The following PPM1E variants were observed in gnomAD, a reference collection of about 807,000 sequenced individuals.
PPM1E encodes protein phosphatase, Mg2+/Mn2+ dependent 1E.
PPM1E carries 20 observed loss-of-function variants against 65.9 expected under a neutral mutation model. That is an observed-to-expected ratio of 0.30 (90% CI 0.21 to 0.44). The LOEUF (loss-of-function observed/expected upper bound fraction) is 0.44. Ranked by LOEUF, PPM1E falls within the 20% of genes least tolerant of loss-of-function variation. The probability of loss-of-function intolerance (pLI) is 1.00; values close to 1 mark genes in which losing one functional copy is unlikely to be tolerated. For missense variants in PPM1E, 713 were observed against 953.1 expected, an observed-to-expected ratio of 0.75 and a Z score of 3.32; for synonymous variants, 352 against 374.9, an observed-to-expected ratio of 0.94 and a Z score of 0.70.
At chr17:58,772,795 T>A (rs1226959095) in intron 1 of PPM1E, among the ~76,000 whole-genome samples, 1 of 152,142 alleles carries the variant, frequency 6.6e-6, no homozygotes, top group Non-Finnish European at 1.5e-5. Flanking sequence ...ACTCTGTATT[T>A]GCTGTATTTC....
At chr17:58,956,825 G>A (rs2029883170) in intron 2 of PPM1E, among the ~76,000 whole-genome samples, 1 of 152,170 alleles carries the variant, frequency 6.6e-6, no homozygotes, top group Non-Finnish European at 1.5e-5. Flanking sequence ...TGGTATATAT[G>A]GAGCAAAGCA....
At chr17:58,797,111 A>G (rs996208632) in intron 1 of PPM1E, among the ~76,000 whole-genome samples, 2 of 152,216 alleles carry the variant, frequency 1.3e-5, no homozygotes, top group Non-Finnish European at 2.9e-5. Context: ...ATCTCAAAAA[A>G]TAAATCAATA....
At chr17:58,803,080 T>C (rs2050273667) in intron 1 of PPM1E, among the ~76,000 whole-genome samples, 2 of 152,180 alleles carry the variant, frequency 1.3e-5, no homozygotes, top group Non-Finnish European at 2.9e-5. Flanking sequence ...TGTTCTATGT[T>C]GAATAGCACT....
chr17:58,977,391 T>C (rs2143791462), intron 6 of PPM1E, among the ~76,000 whole-genome samples: 1 of 148,110 alleles, frequency 6.8e-6, no homozygotes, highest in Admixed American at 6.9e-5. Context: ...TGCAATGAGC[T>C]GAGATCACAC....
chr17:58,813,318 T>C (rs2050387773), intron 1 of PPM1E, among the ~76,000 whole-genome samples: 1 of 152,180 alleles, frequency 6.6e-6, no homozygotes, highest in Non-Finnish European at 1.5e-5. Context: ...ACCTCATACC[T>C]TGGAATTTCT....
At chr17:58,852,248 C>G (rs2050834202) in intron 1 of PPM1E, among the ~76,000 whole-genome samples, 1 of 152,140 alleles carries the variant, frequency 6.6e-6, no homozygotes, top group African/African-American at 2.4e-5. Context: ...ACTGCCCCAC[C>G]CTGCTCCGTG....
At chr17:58,967,979 T>G (rs2030364600) in intron 3 of PPM1E, among the ~76,000 whole-genome samples, 1 of 152,046 alleles carries the variant, frequency 6.6e-6, no homozygotes, top group South Asian at 2.1e-4. Context: ...AATTTTTGTA[T>G]TTTTAGTAGA....
chr17:58,915,576 G>T (rs2051675269), intron 1 of PPM1E, among the ~76,000 whole-genome samples: 1 of 152,140 alleles, frequency 6.6e-6, no homozygotes, highest in South Asian at 2.1e-4. Context: ...AGTTGCTCTG[G>T]TTCAAATGCC....
chr17:58,885,050 A>G (rs1465921648), intron 1 of PPM1E, among the ~76,000 whole-genome samples: 2 of 151,934 alleles, frequency 1.3e-5, no homozygotes, highest in South Asian at 2.1e-4. Flanking sequence ...TCTTATTTTA[A>G]CAATCTTATT....
chr17:58,894,112 A>G (rs2051382346), intron 1 of PPM1E, among the ~76,000 whole-genome samples: 1 of 151,876 alleles, frequency 6.6e-6, no homozygotes, highest in Non-Finnish European at 1.5e-5. Flanking sequence ...AAACAAAAAT[A>G]AAGTCTATGT....
intron 1 of PPM1E, among the ~76,000 whole-genome samples, chr17:58,942,723 T>G (rs564423089): frequency 6.6e-6 from 1 of 152,184 alleles, no homozygotes; most frequent in African/African-American, 2.4e-5. Flanking sequence ...TACCTAATGC[T>G]AGATGACAAG....
intron 1 of PPM1E, among the ~76,000 whole-genome samples, chr17:58,955,196 C>A (rs2029868019): frequency 6.6e-6 from 1 of 152,128 alleles, no homozygotes; most frequent in South Asian, 2.1e-4. Flanking sequence ...GAAACCCCGT[C>A]TCTACTAAAA....
At chr17:58,973,415 A>C (rs1339589543) in intron 6 of PPM1E, among the ~76,000 whole-genome samples, 1 of 54,664 alleles carries the variant, frequency 1.8e-5, no homozygotes, top group Non-Finnish European at 4.3e-5. Context: ...AGACTGTCTC[A>C]AAAAAAAAAA....
intron 1 of PPM1E, among the ~76,000 whole-genome samples, chr17:58,820,023 C>A (rs561328384): frequency 7.2e-5 from 11 of 151,814 alleles, no homozygotes; most frequent in African/African-American, 2.7e-4. Flanking sequence ...GGAGACAAAG[C>A]CAGACTCCAT....
intron 1 of PPM1E, among the ~76,000 whole-genome samples, chr17:58,950,195 C>G (rs965054355): frequency 1.2e-4 from 18 of 151,804 alleles, no homozygotes; most frequent in African/African-American, 4.4e-4. Context: ...AACCCTGTCT[C>G]TACTAAAAAT....
chr17:58,908,888 C>T (rs1173956503), intron 1 of PPM1E, among the ~76,000 whole-genome samples: 1 of 152,116 alleles, frequency 6.6e-6, no homozygotes, highest in African/African-American at 2.4e-5. Flanking sequence ...TACCTCCCAT[C>T]CCTTGTATCA....
rs2050662932 is a variant in PPM1E at position 58,836,833 on chromosome 17, AAC to A, written c.464+80375_464+80376del. On this transcript the variant is annotated intron_variant, in intron 1 of 6. Transcript: ENST00000308249. ...TCAGGAGATCGAGACCATCCTGGCT[AAC>A]ACGGTGAAACCCCGTCTCTACTAAA... Among the ~76,000 whole-genome samples the A allele has an allele frequency of 2.0e-5, 3 of 147,804 alleles. No individual in the cohort carries two copies. The South Asian group carries it at 6.6e-4, about 33-fold the overall frequency.
intron 2 of PPM1E, among the ~76,000 whole-genome samples, chr17:58,963,908 T>TA (rs1233871279): frequency 6.6e-6 from 1 of 151,400 alleles, no homozygotes; most frequent in Non-Finnish European, 1.5e-5. Flanking sequence ...AAAATAAAAA[T>TA]AAAGAAGACA....
At chr17:58,825,162 A>T (rs2050521079) in intron 1 of PPM1E, among the ~76,000 whole-genome samples, 1 of 151,674 alleles carries the variant, frequency 6.6e-6, no homozygotes. Flanking sequence ...GTACCTCAAT[A>T]ACTTACAGAA....
Sources: allele counts gnomAD v4.1 joint callset (sites outside exome capture counted in the v4.1 genomes callset), GRCh38; gene constraint gnomAD v4.1.1; transcripts MANE v1.5; gene names NCBI Gene and HGNC (gene_info 2026-07-23, HGNC 2026-07-21).